The following PUM1 variants were observed in gnomAD, a reference collection of about 807,000 sequenced individuals.
PUM1 encodes pumilio RNA binding family member 1, also known as pumilio homolog 1.
PUM1 carries 13 observed loss-of-function variants against 131.8 expected under a neutral mutation model. That is an observed-to-expected ratio of 0.10 (90% confidence interval 0.06 to 0.16). PUM1 has a LOEUF of 0.16. PUM1 is among the 10% of genes least tolerant of loss of function. The pLI is 1.00. For missense variants in PUM1, 961 were observed against 1,512.4 expected, an observed-to-expected ratio of 0.64 and a Z score of 6.05; for synonymous variants, 509 against 556.5, an observed-to-expected ratio of 0.91 and a Z score of 1.20.
In PUM1 at chr1:30,933,082, G is replaced by A. The variant is rs1639023277; in HGVS notation, c.*129C>T. On this transcript the variant is annotated 3_prime_UTR_variant, in exon 22 of 22. Coordinates refer to ENST00000426105, the MANE Select transcript of PUM1 (RefSeq NM_001020658.2). ...CGTGGATTTGATTCCTTTTTTGGAG[G>A]AGGGAGTAATCCTGGAGCAACCACT... The A allele has an allele frequency of 2.6e-6, 3 of 1,150,492 alleles. No individual in the cohort carries two copies. Among genetic ancestry groups the A allele is most frequent in the East Asian group, 5.3e-5 (2 of 37,756 alleles). The allele number at this position is 1,150,492 out of a possible 1,614,324, so 71.3% of individuals were successfully genotyped here. A position where few individuals can be genotyped will look rare whatever the true frequency, so the allele number is the denominator to read the frequency against.
chr1:30,937,529 C>A (rs1287815995), intron 20 of PUM1, among the ~76,000 whole-genome samples: 2 of 152,044 alleles, frequency 1.3e-5, no homozygotes, highest in African/African-American at 4.8e-5. Context: ...GTTATCTGCC[C>A]ACCTCAGCCT....
chr1:30,936,984 T>C (rs1324727516), intron 20 of PUM1, 149 bp from the exon 21 acceptor site: 1 of 654,554 alleles, frequency 1.5e-6, no homozygotes, highest in Non-Finnish European at 2.5e-6. Flanking sequence ...ACTGTCTGAC[T>C]CTCTCAGTCT....
rs551004457 is a variant in PUM1, at chr1:31,006,038, A to G, written c.542-7T>C. ...GGCTGGGAAACTGAATGATCTACAA[A>G]AAAGATACACAAGCATGATACAGTG... On this transcript the variant is annotated splice_region_variant and splice_polypyrimidine_tract_variant and intron_variant, in intron 4 of 21. Coordinates refer to ENST00000426105, the MANE Select transcript of PUM1 (RefSeq NM_001020658.2). The G allele has an allele frequency of 1.2e-5, 19 of 1,596,750 alleles. No homozygotes were observed. The East Asian group carries it at 4.0e-4, about 34-fold the overall frequency.
At chr1:31,041,418 G>A (rs536680554) in intron 2 of PUM1, among the ~76,000 whole-genome samples, 1 of 152,030 alleles carries the variant, frequency 6.6e-6, no homozygotes, top group Non-Finnish European at 1.5e-5. Context: ...ATCCTCTGGG[G>A]GGCGGGGGGT....
intron 2 of PUM1, among the ~76,000 whole-genome samples, chr1:31,041,264 T>C (rs143951796): frequency 5.5e-4 from 84 of 152,242 alleles, no homozygotes; most frequent in African/African-American, 1.8e-3. Context: ...TTAACAGATA[T>C]GGGGGTCTTG....
At chr1:30,980,402 CTG>C (rs1641314132) in intron 8 of PUM1, among the ~76,000 whole-genome samples, 1 of 152,070 alleles carries the variant, frequency 6.6e-6, no homozygotes, top group Non-Finnish European at 1.5e-5. Context: ...TAACTTAAAA[CTG>C]TATATAGTTA....
rs538263340 is a variant in PUM1 at position 30,961,457 on chromosome 1, G to T, written c.2323+3217C>A. Among the ~76,000 whole-genome samples the T allele has an allele frequency of 2.6e-5, 4 of 152,070 alleles. No homozygotes were observed. In the South Asian group the frequency reaches 8.3e-4, roughly 32 times the overall value. On this transcript the variant is annotated intron_variant, in intron 14 of 21. Transcript: ENST00000426105. ...AAAGATCCTTTGAGCCCAGGAGTTT[G>T]AGGTTACAGTGAGCTATGATAGCAC...
chr1:30,964,640 G>C, intron 14 of PUM1, 34 bp downstream of exon 14: 1 of 1,540,660 alleles, frequency 6.5e-7, no homozygotes, highest in Non-Finnish European at 9.0e-7. Flanking sequence ...GAGAGTTCTA[G>C]AGTTCAAGGT....
At chr1:30,958,001 C>T (rs374986165) in intron 14 of PUM1, among the ~76,000 whole-genome samples, 6 of 152,322 alleles carry the variant, frequency 3.9e-5, no homozygotes, top group African/African-American at 7.2e-5. Flanking sequence ...ACAGCTGATA[C>T]GTCTCCTTCA....
At chr1:30,973,952 G>C (rs953294814) in intron 10 of PUM1, among the ~76,000 whole-genome samples, 2 of 152,132 alleles carry the variant, frequency 1.3e-5, no homozygotes, top group African/African-American at 4.8e-5. Flanking sequence ...GCTGGGCATG[G>C]TGTAGCGTGC....
rs2124408947 is a variant in PUM1 at position 30,950,112 on chromosome 1, A to G, written c.2856+15T>C. ...AACATCAAACACCAAGAGAAAAGTT[A>G]AAGGGGAAACTTACAATTACCTGCT... On this transcript the variant is annotated intron_variant, in intron 17 of 21. Coordinates refer to ENST00000426105, the MANE Select transcript of PUM1 (RefSeq NM_001020658.2). 1 of 1,609,162 alleles carries G rather than the reference A, an allele frequency of 6.2e-7. No homozygotes were observed. Among genetic ancestry groups the G allele is most frequent in the South Asian group, 1.1e-5 (1 of 90,094 alleles).
chr1:30,950,555 A>C (rs1315851572), intron 16 of PUM1, among the ~76,000 whole-genome samples: 1 of 152,244 alleles, frequency 6.6e-6, no homozygotes, highest in Non-Finnish European at 1.5e-5. Flanking sequence ...AGCTGTCATT[A>C]ATTCATACTA....
At chr1:30,943,613 CT>C (rs1229047411) in intron 18 of PUM1, among the ~76,000 whole-genome samples, 1 of 152,098 alleles carries the variant, frequency 6.6e-6, no homozygotes, top group Non-Finnish European at 1.5e-5. Context: ...TTCCTTAAGT[CT>C]TTTAAGAGAA....
intron 5 of PUM1, 60 bp downstream of exon 5, chr1:31,005,791 AAG>A (rs57530886): frequency 0.022 from 28,370 of 1,299,252 alleles, 6 homozygotes; most frequent in Non-Finnish European, 0.024. Context: ...AGGGGAAAAA[AAG>A]AGAGAGAGAG....
intron 2 of PUM1, 89 bp downstream of exon 2, chr1:31,059,115 T>C: frequency 6.9e-7 from 1 of 1,445,980 alleles, no homozygotes; most frequent in Non-Finnish European, 9.3e-7. Context: ...GCAATTTAAG[T>C]TTTTAAAGAC....
At chr1:30,973,860 C>T (rs1286555857) in intron 10 of PUM1, among the ~76,000 whole-genome samples, 8 of 151,882 alleles carry the variant, frequency 5.3e-5, no homozygotes, top group South Asian at 4.2e-4. Context: ...GAGGCCGAGG[C>T]GGGTGGATCA....
chr1:31,038,984 A>ATATATATATATATTTT, intron 2 of PUM1, among the ~76,000 whole-genome samples: 20 of 49,408 alleles, frequency 4.0e-4, no homozygotes, highest in Non-Finnish European at 4.9e-4. Flanking sequence ...ATATATATAT[A>ATATATATATATATTTT]TTTTTTTTTT....
At chr1:31,052,240 CTGATCTCG>C in intron 2 of PUM1, among the ~76,000 whole-genome samples, 1 of 152,076 alleles carries the variant, frequency 6.6e-6, no homozygotes, top group South Asian at 2.1e-4. Flanking sequence ...TCTCGATCTC[CTGATCTCG>C]TGATCCGCCT....
At chr1:30,955,183 C>T (rs1029034907) in intron 14 of PUM1, among the ~76,000 whole-genome samples, 7 of 151,586 alleles carry the variant, frequency 4.6e-5, no homozygotes, top group Admixed American at 2.6e-4. Context: ...AGGCCAGGGA[C>T]GGTGGCTCAT....
Sources: allele counts gnomAD v4.1 joint callset (sites outside exome capture counted in the v4.1 genomes callset), GRCh38; gene constraint gnomAD v4.1.1; transcripts MANE v1.5; gene names NCBI Gene and HGNC (gene_info 2026-07-23, HGNC 2026-07-21).